The following TRMU variants were observed in gnomAD, a reference collection of about 807,000 sequenced individuals.
TRMU encodes mitochondrial tRNA-specific 2-thiouridylase 1.
Under a neutral mutation model 46.9 loss-of-function variants are expected in TRMU, and 49 were observed. That is an observed-to-expected ratio of 1.05 (90% CI 0.83 to 1.33). The LOEUF is 1.33. TRMU is among the 40% of genes most tolerant of loss of function. The pLI, the probability that TRMU is intolerant of heterozygous loss-of-function variation, is 0.00. For synonymous variants in TRMU, 241 were observed against 200.9 expected, an observed-to-expected ratio of 1.20 and a Z score of -1.69; for missense variants, 572 against 532.4, an observed-to-expected ratio of 1.07 and a Z score of -0.73.
Position 46,350,450 on chromosome 22 carries a change from T to C in TRMU, c.638T>C (p.Leu213Pro), listed in dbSNP as rs1409809386. The C allele has an allele frequency of 6.2e-7, 1 of 1,613,660 alleles. No individual in the cohort carries two copies. Among genetic ancestry groups the C allele is most frequent in the South Asian group, 1.1e-5 (1 of 91,084 alleles). The change falls in exon 5 of 11, where the codon CTT becomes CCT. Residue 213 changes from leucine to proline, a missense_variant. By Grantham distance (98) the Leu-to-Pro change is moderately conservative. Transcript: ENST00000645190. This position sits in a 1 kb window ranked among gnomAD's most constrained non-coding sequence, Gnocchi z 4.6. Reference protein sequence around the residue: ...IAAENRLHHVLQKKESMGMCF... With the variant: ...IAAENRLHHVPQKKESMGMCF... ...GCTGAGAATAGACTTCATCATGTGC[T>C]TCAGAAGAAAGAGGTACGAGTGAGC...
intron 1 of TRMU, 24 bp downstream of exon 1, chr22:46,335,870 C>T (rs1485994933): frequency 3.3e-6 from 5 of 1,533,940 alleles, no homozygotes; most frequent in Non-Finnish European, 4.4e-6. Flanking sequence ...GGCTCCCGCC[C>T]CCCGCCGAGC....
chr22:46,355,468 C>T lies in TRMU; in HGVS notation c.898C>T (p.Leu300=), dbSNP rs956866199. 6.2e-7 allele frequency: 1 copy of T among 1,613,082 alleles called. No homozygotes were observed. Among genetic ancestry groups the T allele is most frequent in the African/African-American group, 1.3e-5 (1 of 74,946 alleles). Reference sequence around the variant, plus strand: ...GGCCCCCCGGACAGACCACCCAGCCCTGTACAGGGACCTGCTGAGGACCAG... The same window carrying T: ...GGCCCCCCGGACAGACCACCCAGCCTTGTACAGGGACCTGCTGAGGACCAG... ...FVAPRTDHPA[L]YRDLLRTSRV... is the part of the protein sequence containing the mutation. Residue 300 remains leucine, a synonymous_variant, in exon 9 of 11, where the codon CTG becomes TTG. Coordinates refer to ENST00000645190, the MANE Select transcript of TRMU (RefSeq NM_018006.5).
intron 3 of TRMU, among the ~76,000 whole-genome samples, chr22:46,345,919 C>T (rs560427037): frequency 1.3e-5 from 2 of 152,188 alleles, no homozygotes; most frequent in East Asian, 3.9e-4. Flanking sequence ...AGGTGTGCCC[C>T]ACCACGCCTG....
chr22:46,355,022 A>C, intron 8 of TRMU: 2 of 253,822 alleles, frequency 7.9e-6, no homozygotes, highest in African/African-American at 2.2e-5. Flanking sequence ...GTGTGGAGGA[A>C]TTCCTGGGGT....
chr22:46,355,865 G>A, intron 9 of TRMU, 125 bp from the exon 10 acceptor site: 3 of 1,166,522 alleles, frequency 2.6e-6, no homozygotes, highest in Non-Finnish European at 3.7e-6. Flanking sequence ...CCAGGCTGGT[G>A]CCCTGCCCTT....
chr22:46,340,120 G>A (rs1460534488), intron 2 of TRMU, among the ~76,000 whole-genome samples: 2 of 152,140 alleles, frequency 1.3e-5, no homozygotes, highest in Non-Finnish European at 2.9e-5. Flanking sequence ...GATCTGAGGT[G>A]CTTGTTAAAC....
At chr22:46,352,359 C>G (rs112403372) in intron 7 of TRMU, 29 bp downstream of exon 7, 56 of 1,612,166 alleles carry the variant, frequency 3.5e-5, no homozygotes, top group African/African-American at 3.5e-4. Flanking sequence ...CACTTGTCAT[C>G]TGAAATGCCT....
At chr22:46,345,686 T>G (rs1002063417) in intron 3 of TRMU, among the ~76,000 whole-genome samples, 2 of 152,078 alleles carry the variant, frequency 1.3e-5, no homozygotes, top group Admixed American at 1.3e-4. Flanking sequence ...TAGTAAACAT[T>G]CTCTGTAAGG....
chr22:46,356,005 C>A lies in TRMU; in HGVS notation c.1034C>A (p.Thr345Asn). 6.2e-7 allele frequency: 1 copy of A among 1,613,994 alleles called. No homozygotes were observed. Among genetic ancestry groups the A allele is most frequent in the Non-Finnish European group, 8.5e-7 (1 of 1,179,994 alleles). Residue 345 changes from threonine (T) to asparagine (N), a missense_variant, in exon 10 of 11, where the codon ACC (threonine) becomes AAC (asparagine). Transcript: ENST00000645190. ...HQMALVPCVL[T>N]LNQDGTVWVT... Reference sequence around the variant, plus strand: ...TTCTACCCAGTGCCCTGTGTGCTGACCCTCAATCAAGATGGCACCGTGTGG... The same window carrying A: ...TTCTACCCAGTGCCCTGTGTGCTGAACCTCAATCAAGATGGCACCGTGTGG...
chr22:46,356,101 G>A lies in TRMU; in HGVS notation c.1101+29G>A, dbSNP rs757884172. The stretch of plus-strand genomic sequence containing the variant: ...CGTGGGGTGTGGGGGTGAGCCCGGG[G>A]AGGACTGTACTGCTCTGCACCCTGC... On this transcript the variant is annotated intron_variant, in intron 10 of 10. Coordinates refer to ENST00000645190, the MANE Select transcript of TRMU (RefSeq NM_018006.5). The A allele has an allele frequency of 2.2e-5, 35 of 1,612,904 alleles. No individual in the cohort carries two copies. In the East Asian group the frequency reaches 6.9e-4, roughly 32 times the overall value.
At chr22:46,340,850 C>T (rs189357114) in intron 2 of TRMU, among the ~76,000 whole-genome samples, 11 of 152,356 alleles carry the variant, frequency 7.2e-5, no homozygotes, top group Admixed American at 3.3e-4. Context: ...AGGAGGCGGC[C>T]GGGTAGAGTC....
Position 46,356,853 on chromosome 22 carries a change from C to G in TRMU, c.1113C>G (p.Phe371Leu). ...TCTCTCCCCTACAGTTTGCTGTGTT[C>G]TACAAGGGGGACGAGTGCCTGGGCA... ...RALATGQFAV[F>L]YKGDECLGSG... The change falls in exon 11 of 11, where the codon TTC becomes TTG. Residue 371 changes from phenylalanine (F) to leucine (L), a missense_variant. By Grantham distance (22) the Phe-to-Leu change is conservative (BLOSUM62 0). Coordinates refer to ENST00000645190, the MANE Select transcript of TRMU (RefSeq NM_018006.5). 1 of 1,613,304 alleles carries G rather than the reference C, an allele frequency of 6.2e-7. No homozygotes were observed. The highest frequency in any genetic ancestry group is 1.7e-5 in the Admixed American group (1 of 60,016).
intron 8 of TRMU, chr22:46,354,292 G>A (rs1880024370): frequency 3.8e-6 from 1 of 261,818 alleles, no homozygotes; most frequent in Non-Finnish European, 7.6e-6. Context: ...CACCACAGTG[G>A]GGACCTTACC....
In TRMU at chr22:46,345,360, C is replaced by T. The variant is rs372846681; in HGVS notation, c.356-1062C>T. ...AAGTGCTGGGATGACAGGCGTGAGC[C>T]GCTGCGCCTGGCCCAAATATCTGGA... On this transcript the variant is annotated intron_variant, in intron 3 of 10. Coordinates refer to ENST00000645190, the MANE Select transcript of TRMU (RefSeq NM_018006.5). Among the ~76,000 whole-genome samples, 62 of 152,302 alleles carry T rather than the reference C, an allele frequency of 4.1e-4. No homozygotes were observed. The East Asian group carries it at 6.2e-3, about 15-fold the overall frequency.
chr22:46,337,300 G>A (rs535833664), intron 1 of TRMU, among the ~76,000 whole-genome samples: 105 of 152,242 alleles, frequency 6.9e-4, no homozygotes, highest in African/African-American at 2.4e-3. Context: ...TGTTACAATC[G>A]AAAAGGTAGA....
intron 10 of TRMU, 130 bp from the exon 11 acceptor site, chr22:46,356,712 C>T (rs1419229389): frequency 3.5e-6 from 4 of 1,133,888 alleles, no homozygotes; most frequent in African/African-American, 3.1e-5. Flanking sequence ...GCAGCAAAAC[C>T]CTGCTCCCCT....
chr22:46,353,788 G>C lies in TRMU; in HGVS notation c.794G>C (p.Gly265Ala). 6.2e-7 allele frequency: 1 copy of C among 1,613,930 alleles called. No individual in the cohort carries two copies. Among genetic ancestry groups the C allele is most frequent in the South Asian group, 1.1e-5 (1 of 91,070 alleles). ...GTAGGTTGGTTCCTGTATACCTTGGGCCAGAGAGCAAACATAGGTGGCCTG... is the reference window on the plus strand; with the variant it reads ...GTAGGTTGGTTCCTGTATACCTTGGCCCAGAGAGCAAACATAGGTGGCCTG... ...THKGWFLYTL[G>A]QRANIGGLRE... Residue 265 changes from glycine to alanine, a missense_variant, in exon 8 of 11, where the codon GGC becomes GCC. Transcript: ENST00000645190.
rs538016414 is a variant in TRMU at position 46,350,084 on chromosome 22, T to C, written c.479-207T>C. Among the ~76,000 whole-genome samples the C allele has an allele frequency of 6.6e-6, 1 of 152,170 alleles. No individual in the cohort carries two copies. The highest frequency in any genetic ancestry group is 2.1e-4 in the South Asian group (1 of 4,816). On this transcript the variant is annotated intron_variant, in intron 4 of 10. Coordinates refer to ENST00000645190, the MANE Select transcript of TRMU (RefSeq NM_018006.5). This position sits in a 1 kb window ranked among gnomAD's most constrained non-coding sequence, Gnocchi z 4.6. ...ATGAGCTGGAATAATTTCTTTGTCA[T>C]GTAAAATCCTTGTTTTTTTTTTTGG...
chr22:46,346,539 G>A lies in TRMU; in HGVS notation c.473G>A (p.Arg158Lys). ...EGLFRNRFEV[R>K]NAVKLLQAAD... ...CTTTTCAGAAATCGGTTTGAAGTTA[G>A]AAATGGTAAGTTCATGTGCCCAGGT... The change falls in exon 4 of 11, where the codon AGA becomes AAA. Residue 158 changes from arginine (R) to lysine (K), a missense_variant. Transcript: ENST00000645190. 6.2e-7 allele frequency: 1 copy of A among 1,610,750 alleles called. No individual in the cohort carries two copies. Among genetic ancestry groups the A allele is most frequent in the Non-Finnish European group, 8.5e-7 (1 of 1,177,912 alleles).
Sources: allele counts gnomAD v4.1 joint callset (sites outside exome capture counted in the v4.1 genomes callset), GRCh38; gene constraint gnomAD v4.1.1; non-coding constraint Gnocchi (gnomAD v3.1); transcripts MANE v1.5; gene names NCBI Gene and HGNC (gene_info 2026-07-23, HGNC 2026-07-21).